CADM1: variants seen among roughly 807,000 people sequenced by gnomAD.
CADM1 encodes the protein TSLC-1.
CADM1 carries 15 observed loss-of-function variants against 53.1 expected under a neutral mutation model. The observed-to-expected ratio is 0.28, with a 90% CI of 0.19 to 0.44. The LOEUF is 0.44. Ranked by LOEUF, CADM1 falls within the 20% of genes least tolerant of loss-of-function variation. CADM1 has a pLI of 1.00. For missense variants in CADM1, 434 were observed against 611.3 expected (o/e 0.71, Z 3.06); for synonymous variants, 281 against 243.0 (o/e 1.16, Z -1.45).
At chr11:115,449,137 C>A (rs1175582545) in intron 1 of CADM1, among the ~76,000 whole-genome samples, 1 of 152,126 alleles carries the variant, frequency 6.6e-6, no homozygotes, top group Non-Finnish European at 1.5e-5. Context: ...TTGCAAGCCA[C>A]CAGCGGACCC....
intron 1 of CADM1, among the ~76,000 whole-genome samples, chr11:115,292,607 A>G (rs1386374587): frequency 6.6e-6 from 1 of 152,242 alleles, no homozygotes; most frequent in Non-Finnish European, 1.5e-5. Flanking sequence ...AATAATCTAC[A>G]CTTGTATGGC....
At chr11:115,282,012 C>A (rs1189653133) in intron 1 of CADM1, among the ~76,000 whole-genome samples, 28 of 152,138 alleles carry the variant, frequency 1.8e-4, no homozygotes, top group Admixed American at 1.8e-3. Flanking sequence ...CACAAGCCAT[C>A]CATCTTAGAG....
At position 115,471,044 on chromosome 11, in the gene CADM1, G is replaced by A. The variant is rs547401795; in HGVS notation, c.124+33227C>T. Among the ~76,000 whole-genome samples, 180 of 152,280 alleles carry A rather than the reference G, an allele frequency of 1.2e-3. 1 individual carries two copies. Among genetic ancestry groups the A allele is most frequent in the Non-Finnish European group, 2.1e-3 (141 of 68,034 alleles). On this transcript the variant is annotated intron_variant, in intron 1 of 11. Transcript: ENST00000331581. ...GAGAGGGAATTAATGAATACCCTGA[G>A]TAGCCTAAGACATAGCCAAAAGCTG...
At chr11:115,232,555 A>G (rs900484352) in intron 3 of CADM1, among the ~76,000 whole-genome samples, 11 of 152,236 alleles carry the variant, frequency 7.2e-5, no homozygotes, top group Non-Finnish European at 8.8e-5. Flanking sequence ...CCCTTCTGTA[A>G]GCATATTAAA....
chr11:115,289,747 C>T (rs1336247466), intron 1 of CADM1, among the ~76,000 whole-genome samples: 1 of 151,910 alleles, frequency 6.6e-6, no homozygotes, highest in African/African-American at 2.4e-5. Context: ...AGGCACCCAC[C>T]ATCACGCCCA....
chr11:115,400,401 T>A (rs529610763), intron 1 of CADM1, among the ~76,000 whole-genome samples: 44 of 151,688 alleles, frequency 2.9e-4, no homozygotes, highest in African/African-American at 1.0e-3. Context: ...TGGTATATGA[T>A]GAGACGTCAC....
intron 9 of CADM1, among the ~76,000 whole-genome samples, chr11:115,198,028 C>T (rs993264784): frequency 2.6e-5 from 4 of 152,140 alleles, no homozygotes; most frequent in Non-Finnish European, 5.9e-5. Context: ...GGGACTATGG[C>T]CTATATATAA....
At chr11:115,183,446 G>A (rs1287676032) in intron 10 of CADM1, among the ~76,000 whole-genome samples, 4 of 152,194 alleles carry the variant, frequency 2.6e-5, no homozygotes, top group African/African-American at 9.7e-5. Context: ...ATGGATAACT[G>A]GAGAGTGGCT....
intron 2 of CADM1, 45 bp downstream of exon 2, chr11:115,240,229 T>A (rs761603479): frequency 1.6e-5 from 25 of 1,594,706 alleles, no homozygotes; most frequent in Non-Finnish European, 5.2e-6. Context: ...AGACAACATG[T>A]AGGTAAAAAA....
intron 1 of CADM1, among the ~76,000 whole-genome samples, chr11:115,431,471 A>G (rs1948048995): frequency 6.6e-6 from 1 of 152,148 alleles, no homozygotes; most frequent in African/African-American, 2.4e-5. Context: ...TCTACAAGGT[A>G]ACCACAGTGA....
At chr11:115,281,320 G>A (rs984559003) in intron 1 of CADM1, among the ~76,000 whole-genome samples, 6 of 152,116 alleles carry the variant, frequency 3.9e-5, no homozygotes, top group Non-Finnish European at 8.8e-5. Flanking sequence ...AATAAATCAT[G>A]GGAGTATTAA....
chr11:115,268,694 T>C (rs1943212579), intron 1 of CADM1, among the ~76,000 whole-genome samples: 1 of 152,204 alleles, frequency 6.6e-6, no homozygotes, highest in African/African-American at 2.4e-5. Context: ...ATCTTCATAA[T>C]GGTGTTAGCA....
chr11:115,409,073 T>C (rs1947389766), intron 1 of CADM1, among the ~76,000 whole-genome samples: 1 of 152,018 alleles, frequency 6.6e-6, no homozygotes, highest in South Asian at 2.1e-4. Context: ...AGATGAACAA[T>C]GAACATTTTT....
At chr11:115,328,688 A>ACG (rs1565367858) in intron 1 of CADM1, among the ~76,000 whole-genome samples, 3 of 32,416 alleles carry the variant, frequency 9.3e-5, no homozygotes, top group Non-Finnish European at 1.3e-4. Flanking sequence ...GTGTATATAT[A>ACG]TGTGTATATA....
chr11:115,216,579 C>A (rs7925458), intron 6 of CADM1, among the ~76,000 whole-genome samples: 152,017 of 152,354 alleles, frequency 1, 75,842 homozygotes, highest in Non-Finnish European at 1. Context: ...AGTGCTCAAA[C>A]GAGAAAAAGA....
intron 1 of CADM1, among the ~76,000 whole-genome samples, chr11:115,270,655 A>G (rs1943271587): frequency 6.6e-6 from 1 of 152,122 alleles, no homozygotes; most frequent in South Asian, 2.1e-4. Context: ...AAATGTTGAT[A>G]CCTCTTCTGT....
intron 10 of CADM1, among the ~76,000 whole-genome samples, chr11:115,184,337 G>A (rs1939445005): frequency 6.6e-6 from 1 of 152,138 alleles, no homozygotes; most frequent in Non-Finnish European, 1.5e-5. Context: ...ATTACTGAAG[G>A]GGAACAAACT....
intron 7 of CADM1, among the ~76,000 whole-genome samples, chr11:115,212,518 G>A (rs2134749063): frequency 6.6e-6 from 1 of 152,264 alleles, no homozygotes; most frequent in South Asian, 2.1e-4. Context: ...GGATTAGGGA[G>A]ACATGTGTAT....
intron 1 of CADM1, among the ~76,000 whole-genome samples, chr11:115,346,610 GGTGA>G (rs1178810887): frequency 4.0e-5 from 6 of 151,858 alleles, no homozygotes; most frequent in Admixed American, 6.6e-5. Context: ...TTTTTGTTGG[GGTGA>G]GTAACAGACA....
Sources: allele counts gnomAD v4.1 joint callset (sites outside exome capture counted in the v4.1 genomes callset), GRCh38; gene constraint gnomAD v4.1.1; transcripts MANE v1.5; gene names NCBI Gene and HGNC (gene_info 2026-07-23, HGNC 2026-07-21).